The following SLC17A3 variants were observed in gnomAD, a reference collection of about 807,000 sequenced individuals.
SLC17A3 encodes solute carrier family 17 member 3.
SLC17A3 carries 61 observed loss-of-function variants against 60.3 expected under a neutral mutation model. That is an observed-to-expected ratio of 1.01 (90% CI 0.82 to 1.25). The LOEUF (loss-of-function observed/expected upper bound fraction) is 1.25, where lower values mean the gene tolerates loss of function less well. Ranked by LOEUF, SLC17A3 falls within the 50% of genes most tolerant of loss-of-function variation. SLC17A3 has a pLI of 0.00. For missense variants in SLC17A3, 624 were observed against 594.9 expected (o/e 1.05, Z -0.51); for synonymous variants, 192 against 208.9 (o/e 0.92, Z 0.70).
At chr6:25,866,207 C>CA (rs1388621909) in intron 2 of SLC17A3, among the ~76,000 whole-genome samples, 1 of 151,944 alleles carries the variant, frequency 6.6e-6, no homozygotes, top group Non-Finnish European at 1.5e-5. Flanking sequence ...TAAAGATAAA[C>CA]ACTCTTCATG....
rs4576235 is a variant in SLC17A3 at position 25,865,788 on chromosome 6, G to T, written c.91+2509C>A. Among the ~76,000 whole-genome samples, 1,344 of 152,048 alleles carry T rather than the reference G, an allele frequency of 8.8e-3. 28 individuals carry two copies. The highest frequency in any genetic ancestry group is 0.072 in the East Asian group (372 of 5,162). ...AATAGATTGGTGCCAGTGATGTGCTGTCTGTTAAATTTTTTTGTGATCACC... is the reference window on the plus strand; with the variant it reads ...AATAGATTGGTGCCAGTGATGTGCTTTCTGTTAAATTTTTTTGTGATCACC... On this transcript the variant is annotated intron_variant, in intron 2 of 12. Coordinates refer to ENST00000397060, the MANE Select transcript of SLC17A3 (RefSeq NM_001098486.2).
At chr6:25,857,968 A>G (rs1407199117) in intron 5 of SLC17A3, among the ~76,000 whole-genome samples, 2 of 151,594 alleles carry the variant, frequency 1.3e-5, no homozygotes, top group East Asian at 1.9e-4. Context: ...TCCCTCCTCA[A>G]CTCTTGAATG....
chr6:25,847,719 TTTTTA>T (rs1158805136), intron 11 of SLC17A3, among the ~76,000 whole-genome samples: 1 of 151,894 alleles, frequency 6.6e-6, no homozygotes. Flanking sequence ...TTTTAAAAAT[TTTTTA>T]TTTTATTTTA....
chr6:25,848,985 G>T (rs1765224119), intron 11 of SLC17A3, among the ~76,000 whole-genome samples: 1 of 152,136 alleles, frequency 6.6e-6, no homozygotes, highest in Non-Finnish European at 1.5e-5. Flanking sequence ...CTTTTGAAAA[G>T]AATCTGGTCA....
At chr6:25,868,592 G>A in intron 1 of SLC17A3, 172 bp from the exon 2 acceptor site, 2 of 564,972 alleles carry the variant, frequency 3.5e-6, no homozygotes, top group Non-Finnish European at 3.2e-6. Flanking sequence ...TGCACGTAAG[G>A]TTTGGAATTG....
chr6:25,857,487 C>T (rs1451824202), intron 5 of SLC17A3, among the ~76,000 whole-genome samples: 1 of 150,712 alleles, frequency 6.6e-6, no homozygotes, highest in East Asian at 1.9e-4. Context: ...AGCCAGATCT[C>T]TCATTCTCCT....
At position 25,862,381 on chromosome 6, in the gene SLC17A3, GT is replaced by G; in HGVS notation, c.154del (p.Thr52ArgfsTer2). ...ALVLHFCNFT[T>X]IAQNVIMNIT... is the part of the protein sequence containing the mutation. ...GTTCATGATGACATTTTGTGCTATC[GT>G]TGTGAAATTGCAGAAATGTAAGACG... On this transcript the variant is annotated frameshift_variant, in exon 3 of 13. Transcript: ENST00000397060. LOFTEE classifies it high-confidence loss of function. 1.2e-6 allele frequency: 2 copies of G among 1,613,666 alleles called. No homozygotes were observed. Among genetic ancestry groups the G allele is most frequent in the Non-Finnish European group, 1.7e-6 (2 of 1,179,694 alleles).
intron 5 of SLC17A3, among the ~76,000 whole-genome samples, chr6:25,860,023 A>G (rs1765421641): frequency 6.6e-6 from 1 of 152,134 alleles, no homozygotes; most frequent in Non-Finnish European, 1.5e-5. Flanking sequence ...ATTTTCCTCC[A>G]TGATAGATGT....
At chr6:25,866,403 G>A (rs1581531391) in intron 2 of SLC17A3, among the ~76,000 whole-genome samples, 1 of 151,940 alleles carries the variant, frequency 6.6e-6, no homozygotes, top group Admixed American at 6.6e-5. Context: ...CTCTTCCCTA[G>A]TCTATACTGC....
intron 2 of SLC17A3, 128 bp downstream of exon 2, chr6:25,868,169 G>A (rs1262043874): frequency 4.0e-6 from 3 of 748,546 alleles, no homozygotes; most frequent in Non-Finnish European, 7.0e-6. Context: ...TGCAAAATAT[G>A]TTAATTTCAC....
At chr6:25,858,559 C>CT (rs758371192) in intron 5 of SLC17A3, among the ~76,000 whole-genome samples, 13 of 152,156 alleles carry the variant, frequency 8.5e-5, no homozygotes, top group Admixed American at 3.9e-4. Flanking sequence ...TCTCTTCTGT[C>CT]TAAGTCCTGA....
At chr6:25,849,672 A>T in intron 10 of SLC17A3, 133 bp downstream of exon 10, 1 of 1,049,414 alleles carries the variant, frequency 9.5e-7, no homozygotes, top group Non-Finnish European at 1.5e-6. Flanking sequence ...CATACCTGAA[A>T]AAAACGGCCA....
At chr6:25,864,682 G>C (rs1432532196) in intron 2 of SLC17A3, among the ~76,000 whole-genome samples, 1 of 151,966 alleles carries the variant, frequency 6.6e-6, no homozygotes, top group Admixed American at 6.6e-5. Context: ...TACTGGACTT[G>C]TTAAAACAGA....
intron 2 of SLC17A3, among the ~76,000 whole-genome samples, chr6:25,864,397 A>G (rs1165159): frequency 0.24 from 36,877 of 151,860 alleles, 4,655 homozygotes; most frequent in African/African-American, 0.29. Context: ...GGGAGGAAGT[A>G]CAGTTAGGAA....
intron 5 of SLC17A3, among the ~76,000 whole-genome samples, chr6:25,858,741 T>G (rs538749407): frequency 2.0e-5 from 3 of 152,354 alleles, no homozygotes; most frequent in South Asian, 4.1e-4. Flanking sequence ...TTCCAAATTA[T>G]AAGCCAATCT....
chr6:25,872,731 A>G (rs996287236), intron 1 of SLC17A3, among the ~76,000 whole-genome samples: 5 of 151,864 alleles, frequency 3.3e-5, no homozygotes, highest in African/African-American at 9.7e-5. Context: ...GACATCCTTC[A>G]TACCCAGCCC....
At chr6:25,869,869 T>A (rs999828793) in intron 1 of SLC17A3, among the ~76,000 whole-genome samples, 1 of 152,038 alleles carries the variant, frequency 6.6e-6, no homozygotes, top group African/African-American at 2.4e-5. Context: ...AAGTATGTAC[T>A]CACTTTTCTC....
chr6:25,873,567 A>G (rs1331530099), intron 1 of SLC17A3, among the ~76,000 whole-genome samples: 1 of 151,216 alleles, frequency 6.6e-6, no homozygotes, highest in Non-Finnish European at 1.5e-5. Flanking sequence ...TCTTCTGCTG[A>G]CTCTGGTGAC....
chr6:25,861,321 G>T (rs942267373), intron 5 of SLC17A3, among the ~76,000 whole-genome samples: 2 of 151,936 alleles, frequency 1.3e-5, no homozygotes, highest in African/African-American at 2.4e-5. Context: ...CATGGGTGGA[G>T]TTTTTTTTAT....
Sources: allele counts gnomAD v4.1 joint callset (sites outside exome capture counted in the v4.1 genomes callset), GRCh38; gene constraint gnomAD v4.1.1; transcripts MANE v1.5; gene names NCBI Gene and HGNC (gene_info 2026-07-23, HGNC 2026-07-21).